SEPTIN9: variants seen among roughly 807,000 people sequenced by gnomAD.
SEPTIN9 encodes septin 9, also known as septin-9.
A neutral mutation model predicts 56.6 loss-of-function variants in SEPTIN9; 13 were observed. The observed-to-expected ratio is 0.23, with a 90% CI of 0.15 to 0.37. The LOEUF (loss-of-function observed/expected upper bound fraction) is 0.37. SEPTIN9 is among the 10% of genes least tolerant of loss of function. The pLI is 1.00. For missense variants in SEPTIN9, 650 were observed against 823.1 expected (o/e 0.79, Z 2.57); for synonymous variants, 332 against 334.1 (o/e 0.99, Z 0.07).
chr17:77,368,397 C>T (rs1217538766), intron 2 of SEPTIN9, among the ~76,000 whole-genome samples: 5 of 151,888 alleles, frequency 3.3e-5, no homozygotes, highest in African/African-American at 4.8e-5. Context: ...CTGTAACCTC[C>T]GCCTCCCAGG....
intron 11 of SEPTIN9, among the ~76,000 whole-genome samples, chr17:77,498,087 C>T (rs531183217): frequency 2.6e-5 from 4 of 152,160 alleles, no homozygotes; most frequent in African/African-American, 9.6e-5. Context: ...CAGCCCTTTG[C>T]CCCAGGCCAC....
chr17:77,432,174 T>C (rs900139122), intron 3 of SEPTIN9, among the ~76,000 whole-genome samples: 8 of 152,200 alleles, frequency 5.3e-5, no homozygotes, highest in African/African-American at 1.7e-4. Flanking sequence ...CCTGGCAGCA[T>C]GACCTTAGCC....
Position 77,479,483 on chromosome 17 carries a change from G to A in SEPTIN9, c.722-2661G>A, listed in dbSNP as rs1308711236. Among the ~76,000 whole-genome samples the A allele has an allele frequency of 2.6e-5, 4 of 152,272 alleles. No individual in the cohort carries two copies. In the East Asian group the frequency reaches 7.7e-4, roughly 29 times the overall value. On this transcript the variant is annotated intron_variant, in intron 3 of 11. Coordinates refer to ENST00000427177, the MANE Select transcript of SEPTIN9 (RefSeq NM_001113491.2). ...CCTGCAAGGCCGCCTCTCGAGGGAG[G>A]GGTTGCAGGAATGGCTCTCACCTGT...
At chr17:77,432,638 G>A (rs1254024388) in intron 3 of SEPTIN9, among the ~76,000 whole-genome samples, 1 of 152,258 alleles carries the variant, frequency 6.6e-6, no homozygotes, top group Non-Finnish European at 1.5e-5. Flanking sequence ...CGGGAGGAAG[G>A]ATGGAGTGGG....
intron 2 of SEPTIN9, among the ~76,000 whole-genome samples, chr17:77,336,709 T>C (rs536893895): frequency 3.7e-4 from 56 of 150,084 alleles, no homozygotes; most frequent in African/African-American, 1.3e-3. Flanking sequence ...TGATGCCTTG[T>C]TTTTTTTTCT....
chr17:77,480,868 A>G (rs1271833471), intron 3 of SEPTIN9, among the ~76,000 whole-genome samples: 19 of 152,108 alleles, frequency 1.2e-4, no homozygotes, highest in South Asian at 1.0e-3. Context: ...CAGGGCCTGG[A>G]TGGGCCCAAG....
Position 77,492,608 on chromosome 17 carries a change from C to T in SEPTIN9, c.1381-13C>T, listed in dbSNP as rs1391801397. 1 of 1,612,998 alleles carries T rather than the reference C, an allele frequency of 6.2e-7. No individual in the cohort carries two copies. The highest frequency in any genetic ancestry group is 1.3e-5 in the African/African-American group (1 of 74,892). On this transcript the variant is annotated splice_polypyrimidine_tract_variant and intron_variant, in intron 8 of 11. Coordinates refer to ENST00000427177, the MANE Select transcript of SEPTIN9 (RefSeq NM_001113491.2). The surrounding 1 kb of genome is among the most constrained non-coding windows in gnomAD (Gnocchi z 5.4). The stretch of plus-strand genomic sequence containing the variant: ...CACAGGGATGGGCCCATCTCTCTCC[C>T]TCCTTATCCCAGATCACCGCAGACC...
At chr17:77,442,075 T>C (rs1378823288) in intron 3 of SEPTIN9, 1 of 152,200 alleles carries the variant, frequency 6.6e-6, no homozygotes, top group Non-Finnish European at 1.5e-5. Context: ...CTGAAAAACG[T>C]GACTCAAAAG....
chr17:77,496,428 T>C (rs1345866230), intron 10 of SEPTIN9: 1 of 152,020 alleles, frequency 6.6e-6, no homozygotes. Context: ...GGGCACCGGG[T>C]GTCTTTATTT....
chr17:77,364,195 G>A lies in SEPTIN9; in HGVS notation c.77-37864G>A, dbSNP rs146372377. Among the ~76,000 whole-genome samples the A allele has an allele frequency of 1.8e-3, 272 of 152,316 alleles. 1 individual carries two copies. The highest frequency in any genetic ancestry group is 6.0e-3 in the South Asian group (29 of 4,828). On this transcript the variant is annotated intron_variant, in intron 2 of 11. Transcript: ENST00000427177. Reference sequence around the variant, plus strand: ...TGGAGGGGCCCAGCCAGCGCACCCCGCGCTTCCTGTCTGCCTCCCACGCAG... The same window carrying A: ...TGGAGGGGCCCAGCCAGCGCACCCCACGCTTCCTGTCTGCCTCCCACGCAG...
intron 3 of SEPTIN9, chr17:77,454,186 C>A: frequency 1.0e-6 from 1 of 985,570 alleles, no homozygotes. Context: ...ACCACCTGGG[C>A]TTTGGGAAGA....
intron 3 of SEPTIN9, among the ~76,000 whole-genome samples, chr17:77,477,989 G>A (rs957803934): frequency 3.3e-5 from 5 of 152,070 alleles, no homozygotes; most frequent in African/African-American, 7.2e-5. Context: ...GGCAGCTGCC[G>A]TCTTGCTGGA....
intron 3 of SEPTIN9, among the ~76,000 whole-genome samples, chr17:77,471,877 G>T (rs1423107699): frequency 1.3e-5 from 2 of 152,120 alleles, no homozygotes; most frequent in Non-Finnish European, 2.9e-5. Context: ...AGGCATCAGG[G>T]CCATTCCCTG....
intron 2 of SEPTIN9, among the ~76,000 whole-genome samples, chr17:77,351,700 C>T (rs768240422): frequency 1.1e-4 from 17 of 152,228 alleles, no homozygotes; most frequent in Non-Finnish European, 5.9e-5. Context: ...CCCAGCCCAG[C>T]GGCCCTTCAG....
chr17:77,377,485 C>A (rs763260366), intron 2 of SEPTIN9, among the ~76,000 whole-genome samples: 5 of 152,070 alleles, frequency 3.3e-5, no homozygotes, highest in Non-Finnish European at 5.9e-5. Context: ...AGAAAGAATC[C>A]AAAAGTCCTT....
chr17:77,375,056 A>G (rs1472942412), intron 2 of SEPTIN9: 1 of 125,030 alleles, frequency 8.0e-6, no homozygotes, highest in African/African-American at 3.1e-5. Flanking sequence ...CTCCCCCACA[A>G]CACCTCCTCA....
intron 2 of SEPTIN9, among the ~76,000 whole-genome samples, chr17:77,309,853 C>T (rs923479360): frequency 4.6e-5 from 7 of 152,324 alleles, no homozygotes; most frequent in East Asian, 1.9e-4. Context: ...CAGGTGTAGC[C>T]GCAGCCCTGG....
At chr17:77,454,365 T>C (rs962779210) in intron 3 of SEPTIN9, 1 of 985,466 alleles carries the variant, frequency 1.0e-6, no homozygotes, top group Non-Finnish European at 1.2e-6. Flanking sequence ...CCCGGACAGG[T>C]AGGGACCTGT....
intron 3 of SEPTIN9, among the ~76,000 whole-genome samples, chr17:77,461,210 G>A (rs2038458275): frequency 1.3e-5 from 2 of 152,212 alleles, no homozygotes; most frequent in African/African-American, 4.8e-5. Context: ...GGAGGCTGAG[G>A]CAGGAGAATC....
Sources: allele counts gnomAD v4.1 joint callset (sites outside exome capture counted in the v4.1 genomes callset), GRCh38; gene constraint gnomAD v4.1.1; non-coding constraint Gnocchi (gnomAD v3.1); transcripts MANE v1.5; gene names NCBI Gene and HGNC (gene_info 2026-07-23, HGNC 2026-07-21).